The following EHBP1 variants were observed in gnomAD, a reference collection of about 807,000 sequenced individuals.
EHBP1 encodes the protein EH domain binding protein 1.
A neutral mutation model predicts 144.0 loss-of-function variants in EHBP1; 55 were observed. The observed-to-expected ratio is 0.38, with a 90% CI of 0.31 to 0.48. EHBP1 has a LOEUF of 0.48. EHBP1 is among the 20% of genes least tolerant of loss of function. The pLI, the probability that EHBP1 is intolerant of heterozygous loss-of-function variation, is 0.98. For synonymous variants in EHBP1, 469 were observed against 472.7 expected (o/e 0.99, Z 0.10); for missense variants, 1,200 against 1,364.2 (o/e 0.88, Z 1.90).
chr2:62,776,682 C>T (rs1016191257), intron 5 of EHBP1, among the ~76,000 whole-genome samples: 1 of 152,116 alleles, frequency 6.6e-6, no homozygotes. Context: ...ATATCTTCCC[C>T]TTATAAATTT....
chr2:62,688,551 T>C (rs1255854722), intron 1 of EHBP1, among the ~76,000 whole-genome samples: 2 of 152,242 alleles, frequency 1.3e-5, no homozygotes, highest in Admixed American at 6.5e-5. Flanking sequence ...TGCAGTGTTA[T>C]AGAACACTAA....
chr2:62,787,401 C>T (rs1004774914), intron 5 of EHBP1, among the ~76,000 whole-genome samples: 1 of 116,618 alleles, frequency 8.6e-6, no homozygotes, highest in African/African-American at 3.1e-5. Context: ...GCTGCCCCCC[C>T]CCCCCACCCC....
At chr2:62,792,204 G>C (rs2043206477) in intron 5 of EHBP1, among the ~76,000 whole-genome samples, 1 of 152,012 alleles carries the variant, frequency 6.6e-6, no homozygotes, top group Non-Finnish European at 1.5e-5. Flanking sequence ...TGCTGTCTAA[G>C]CCAATTTAAA....
rs2049919264 is a variant in EHBP1, at chr2:62,864,880, C to G, written c.907C>G (p.Gln303Glu). ...AFVTIKDSPP[Q>E]STKRKNIRPV... ...TGTGACCATAAAGGATTCTCCTCCC[C>G]AGTCTACAAAAAGAAAAAATATAAG... The change falls in exon 9 of 23, where the codon CAG (glutamine) becomes GAG (glutamate). Residue 303 changes from glutamine (Q) to glutamate (E), a missense_variant. Gln to Glu is a conservative substitution (Grantham distance 29). Transcript: ENST00000431489. The G allele has an allele frequency of 6.2e-7, 1 of 1,614,014 alleles. No individual in the cohort carries two copies. Among genetic ancestry groups the G allele is most frequent in the Non-Finnish European group, 8.5e-7 (1 of 1,179,986 alleles).
At chr2:62,837,602 G>A (rs1384580570) in intron 7 of EHBP1, among the ~76,000 whole-genome samples, 76 of 149,264 alleles carry the variant, frequency 5.1e-4, no homozygotes, top group African/African-American at 1.2e-3. Flanking sequence ...CCCATCTCAC[G>A]TGCAGAGACA....
At chr2:62,828,714 T>A (rs1002516325) in intron 6 of EHBP1, among the ~76,000 whole-genome samples, 6 of 152,220 alleles carry the variant, frequency 3.9e-5, no homozygotes, top group Admixed American at 3.3e-4. Flanking sequence ...TTGTTCTAAT[T>A]CCTTTGGGCA....
intron 10 of EHBP1, among the ~76,000 whole-genome samples, chr2:62,935,353 A>ATATG (rs1254735085): frequency 6.8e-6 from 1 of 147,426 alleles, no homozygotes; most frequent in African/African-American, 2.5e-5. Context: ...AAATATATAT[A>ATATG]TATATATATA....
At chr2:62,991,386 C>T (rs1358851577) in intron 16 of EHBP1, among the ~76,000 whole-genome samples, 2 of 151,808 alleles carry the variant, frequency 1.3e-5, no homozygotes, top group Non-Finnish European at 2.9e-5. Context: ...AAAATAGAGG[C>T]AATATGGAAA....
In EHBP1 at chr2:62,973,285, T is replaced by C. The variant is rs115753357; in HGVS notation, c.2461-5903T>C. ...ATTCCAGCTATGTAAGAAGTTATTATTCACTCAGTGAAATACACTTAAACT... is the reference window on the plus strand; with the variant it reads ...ATTCCAGCTATGTAAGAAGTTATTACTCACTCAGTGAAATACACTTAAACT... On this transcript the variant is annotated intron_variant, in intron 14 of 22. Transcript: ENST00000431489. Among the ~76,000 whole-genome samples the C allele has an allele frequency of 3.6e-3, 547 of 152,380 alleles. 4 individuals are homozygous for C. Among genetic ancestry groups the C allele is most frequent in the African/African-American group, 0.012 (518 of 41,596 alleles).
intron 2 of EHBP1, among the ~76,000 whole-genome samples, chr2:62,710,341 A>G (rs767879266): frequency 2.6e-5 from 4 of 151,928 alleles, no homozygotes; most frequent in Non-Finnish European, 4.4e-5. Context: ...TTTTGTATGT[A>G]TATATATGAA....
chr2:63,041,052 C>A (rs2061640875), intron 21 of EHBP1, among the ~76,000 whole-genome samples: 1 of 152,166 alleles, frequency 6.6e-6, no homozygotes, highest in South Asian at 2.1e-4. Context: ...AAACTAAAAT[C>A]TTTTCAAATA....
chr2:62,707,405 T>G, intron 2 of EHBP1, 110 bp downstream of exon 2: 1 of 767,206 alleles, frequency 1.3e-6, no homozygotes. Context: ...CACTAGTGTG[T>G]AGAAGCTGGG....
chr2:62,949,264 T>G, intron 13 of EHBP1, 102 bp downstream of exon 13: 3 of 1,073,790 alleles, frequency 2.8e-6, no homozygotes, highest in Non-Finnish European at 3.9e-6. Flanking sequence ...AAAGGTGAAG[T>G]GTAATTTCTA....
At chr2:62,904,891 A>G (rs1449743801) in intron 10 of EHBP1, among the ~76,000 whole-genome samples, 1 of 152,214 alleles carries the variant, frequency 6.6e-6, no homozygotes, top group African/African-American at 2.4e-5. Context: ...GTAGTAAACA[A>G]GAGCAAGTCC....
At chr2:62,880,744 CA>C (rs527615227) in intron 10 of EHBP1, among the ~76,000 whole-genome samples, 9 of 152,000 alleles carry the variant, frequency 5.9e-5, no homozygotes, top group Non-Finnish European at 8.8e-5. Context: ...ATTAAAAAGT[CA>C]AAAAATAACA....
chr2:63,031,750 G>A (rs1289771744), intron 19 of EHBP1, among the ~76,000 whole-genome samples: 3 of 152,052 alleles, frequency 2.0e-5, no homozygotes, highest in Admixed American at 1.3e-4. Context: ...CCACCATGGC[G>A]AAACCCCACG....
intron 12 of EHBP1, among the ~76,000 whole-genome samples, chr2:62,947,863 T>C (rs1008302410): frequency 6.6e-6 from 1 of 152,220 alleles, no homozygotes; most frequent in South Asian, 2.1e-4. Flanking sequence ...TTTTGACTTA[T>C]CTAGCTGTGC....
At chr2:62,826,826 C>T (rs946767329) in intron 6 of EHBP1, among the ~76,000 whole-genome samples, 4 of 152,110 alleles carry the variant, frequency 2.6e-5, no homozygotes, top group African/African-American at 9.7e-5. Context: ...ATTCTAGTCT[C>T]TTATAAGAGT....
At chr2:63,003,608 A>G (rs777970423) in intron 19 of EHBP1, among the ~76,000 whole-genome samples, 21 of 152,114 alleles carry the variant, frequency 1.4e-4, no homozygotes, top group Non-Finnish European at 2.4e-4. Context: ...GTTGTGCTCC[A>G]TTAATATGTA....
Sources: gnomAD v4.1 joint callset for allele counts (sites outside exome capture counted in the v4.1 genomes callset) on GRCh38, gnomAD v4.1.1 for gene constraint, MANE v1.5 for transcripts, NCBI Gene and HGNC (gene_info 2026-07-23, HGNC 2026-07-21) for gene names.